Variants in ZNG1A observed in about 807,000 individuals in gnomAD.
ZNG1A encodes the protein zinc-regulated GTPase metalloprotein activator 1A.
chr9:168,346 G>A, the ZNG1A span, among the ~76,000 whole-genome samples: 2 of 151,956 alleles, frequency 1.3e-5, no homozygotes, highest in African/African-American at 2.4e-5. Context: ...TCCGTCTCCC[G>A]GGTTCAAGCC....
the ZNG1A span, chr9:154,669 C>A: frequency 3.5e-6 from 5 of 1,440,618 alleles, no homozygotes; most frequent in Admixed American, 6.8e-5. Flanking sequence ...GTGTATACAA[C>A]ATGGATCTGT....
At chr9:172,453 C>T in the ZNG1A span, 2 of 292,844 alleles carry the variant, frequency 6.8e-6, no homozygotes, top group South Asian at 6.5e-5. Flanking sequence ...CTTTTTATAG[C>T]TTTATGAAAT....
chr9:172,992 T>C, the ZNG1A span: 3 of 299,126 alleles, frequency 1.0e-5, no homozygotes, highest in Non-Finnish European at 1.8e-5. Flanking sequence ...GAATAATCAT[T>C]TTTTACATAT....
the ZNG1A span, among the ~76,000 whole-genome samples, chr9:175,941 C>T: frequency 6.0e-5 from 9 of 149,776 alleles, no homozygotes; most frequent in African/African-American, 1.8e-4. Context: ...AAGCATCCTT[C>T]GAAACCTGTT....
At chr9:139,803 G>A in the ZNG1A span, among the ~76,000 whole-genome samples, 8 of 151,462 alleles carry the variant, frequency 5.3e-5, no homozygotes, top group Non-Finnish European at 8.8e-5. Context: ...CAGTGGGTGC[G>A]TGCACCATCC....
At chr9:150,040 TAAAAAA>T in the ZNG1A span, 1 of 150,252 alleles carries the variant, frequency 6.7e-6, no homozygotes, top group Non-Finnish European at 1.5e-5. Context: ...TACAAAATGG[TAAAAAA>T]ATTTTAAACA....
the ZNG1A span, among the ~76,000 whole-genome samples, chr9:124,941 T>A: frequency 6.6e-5 from 10 of 152,160 alleles, no homozygotes; most frequent in Non-Finnish European, 1.5e-4. Flanking sequence ...TCACAGTTAC[T>A]TTATCCACGC....
the ZNG1A span, among the ~76,000 whole-genome samples, chr9:131,337 T>A: frequency 6.7e-6 from 1 of 148,446 alleles, no homozygotes; most frequent in South Asian, 2.1e-4. Context: ...TACTCAGGTT[T>A]GTTTATTTAG....
chr9:178,654 TGAGAGGCAACCCATAC>T, the ZNG1A span, among the ~76,000 whole-genome samples: 3 of 108,412 alleles, frequency 2.8e-5, 1 homozygote, highest in Admixed American at 9.5e-5. Flanking sequence ...ACTCCCAAGA[TGAGAGGCAACCCATAC>T]GAGAAGCAAG....
the ZNG1A span, among the ~76,000 whole-genome samples, chr9:141,566 G>A: frequency 0.025 from 3,828 of 151,036 alleles, 150 homozygotes; most frequent in African/African-American, 0.09. Flanking sequence ...AGGAACAACC[G>A]GTACCAGCCG....
the ZNG1A span, chr9:173,457 A>G: frequency 6.4e-7 from 1 of 1,556,972 alleles, no homozygotes; most frequent in Middle Eastern, 1.8e-4. Flanking sequence ...GAGATCTTAA[A>G]GCAGAAACTG....
At chr9:139,148 G>T in the ZNG1A span, among the ~76,000 whole-genome samples, 1 of 148,940 alleles carries the variant, frequency 6.7e-6, no homozygotes, top group African/African-American at 2.5e-5. Context: ...AAGGGATAAA[G>T]TAAATGTGGT....
the ZNG1A span, among the ~76,000 whole-genome samples, chr9:132,919 C>A: frequency 3.6e-5 from 2 of 55,656 alleles, 1 homozygote; most frequent in Non-Finnish European, 7.1e-5. Flanking sequence ...AAAATCTGAG[C>A]AAACAGGCCT....
the ZNG1A span, among the ~76,000 whole-genome samples, chr9:145,353 G>C: frequency 6.6e-6 from 1 of 150,382 alleles, no homozygotes; most frequent in South Asian, 2.1e-4. Context: ...ATACACCATG[G>C]AATACTATGC....
the ZNG1A span, among the ~76,000 whole-genome samples, chr9:155,638 A>C: frequency 6.6e-6 from 1 of 152,178 alleles, no homozygotes; most frequent in African/African-American, 2.4e-5. Flanking sequence ...TCAGGGTCTT[A>C]TGCTTTATCT....
chr9:171,847 A>G, the ZNG1A span: 1 of 560,572 alleles, frequency 1.8e-6, no homozygotes. Context: ...TCCTAAGTCA[A>G]TCAATAAAAC....
chr9:151,685 AT>A, the ZNG1A span: 2 of 162,494 alleles, frequency 1.2e-5, no homozygotes, highest in Admixed American at 1.4e-4. Flanking sequence ...CTTTTTAAAT[AT>A]TAAAAAGCCA....
At chr9:169,162 C>A in the ZNG1A span, among the ~76,000 whole-genome samples, 1 of 152,130 alleles carries the variant, frequency 6.6e-6, no homozygotes, top group African/African-American at 2.4e-5. Context: ...ATTTGTGATT[C>A]ATGGGAGATC....
At chr9:122,222 T>G in the ZNG1A span, 1 of 1,407,482 alleles carries the variant, frequency 7.1e-7, no homozygotes. Context: ...CTGAGAAAAT[T>G]ACTTAATTCC....
Sources: gnomAD v4.1 joint callset for allele counts (sites outside exome capture counted in the v4.1 genomes callset) on GRCh38, gnomAD v4.1.1 for gene constraint, MANE v1.5 for transcripts, NCBI Gene and HGNC (gene_info 2026-07-23, HGNC 2026-07-21) for gene names.